CLOCK: variants seen among roughly 807,000 people sequenced by gnomAD.
CLOCK encodes circadian locomoter output cycles protein kaput.
In CLOCK, 43 loss-of-function variants were observed where a neutral mutation model predicts 118.4. That is an observed-to-expected ratio of 0.36 (90% CI 0.28 to 0.47). The LOEUF (loss-of-function observed/expected upper bound fraction) is 0.47. CLOCK is among the 20% of genes least tolerant of loss of function. The probability of loss-of-function intolerance (pLI) is 1.00; values close to 1 mark genes in which losing one functional copy is unlikely to be tolerated. For missense variants in CLOCK, 846 were observed against 999.9 expected, an observed-to-expected ratio of 0.85 and a Z score of 2.08; for synonymous variants, 326 against 339.2, an observed-to-expected ratio of 0.96 and a Z score of 0.43.
At chr4:55,529,122 A>C (rs1385943411) in intron 1 of CLOCK, among the ~76,000 whole-genome samples, 2 of 152,132 alleles carry the variant, frequency 1.3e-5, no homozygotes. Flanking sequence ...ACAAGAAGAA[A>C]CACCACCTAG....
At chr4:55,438,148 CT>C (rs1723039541) in intron 22 of CLOCK, 133 bp downstream of exon 22, 1 of 1,189,078 alleles carries the variant, frequency 8.4e-7, no homozygotes. Flanking sequence ...AGCTTTCTAT[CT>C]TTGTAGAGAT....
At chr4:55,463,549 T>TA in intron 9 of CLOCK, 136 bp downstream of exon 9, 1 of 631,652 alleles carries the variant, frequency 1.6e-6, no homozygotes, top group African/African-American at 1.9e-5. Context: ...ATATATATTT[T>TA]AATATTGAAA....
Position 55,483,023 on chromosome 4 carries a change from C to A in CLOCK, c.-43-195G>T, listed in dbSNP as rs11947623. On this transcript the variant is annotated intron_variant, in intron 3 of 22. Coordinates refer to ENST00000513440, the MANE Select transcript of CLOCK (RefSeq NM_004898.4). The stretch of plus-strand genomic sequence containing the variant: ...GCTTCTTTTCCCCTCCTAAAAAACA[C>A]CTACAAGAAAAAAAGTAATTCAGGC... Among the ~76,000 whole-genome samples, 88,916 of 152,006 alleles carry A rather than the reference C, an allele frequency of 0.58. 27,597 individuals carry two copies. The highest frequency in any genetic ancestry group is 0.81 in the South Asian group (3,914 of 4,826).
chr4:55,503,735 A>T (rs1310057425), intron 2 of CLOCK, among the ~76,000 whole-genome samples: 1 of 152,058 alleles, frequency 6.6e-6, no homozygotes, highest in African/African-American at 2.4e-5. Flanking sequence ...CTTTGTGGGT[A>T]CTAAAAGTCA....
In CLOCK at chr4:55,537,751, G is replaced by A. The variant is rs73155667; in HGVS notation, c.-290+9031C>T. ...CAAGGCTGCAATGGGCCATGATCAC[G>A]ATACTGTACTGCCTGAGCAGTAGTG... On this transcript the variant is annotated intron_variant, in intron 1 of 22. Transcript: ENST00000513440. Among the ~76,000 whole-genome samples, 512 of 152,250 alleles carry A rather than the reference G, an allele frequency of 3.4e-3. 3 individuals are homozygous for A. The highest frequency in any genetic ancestry group is 0.011 in the African/African-American group (471 of 41,564).
intron 1 of CLOCK, among the ~76,000 whole-genome samples, chr4:55,514,507 C>CT (rs986559003): frequency 3.3e-5 from 5 of 151,334 alleles, no homozygotes; most frequent in African/African-American, 1.2e-4. Flanking sequence ...TTATCCCCCC[C>CT]CCACTTTGCT....
At chr4:55,523,192 TG>T (rs1451269540) in intron 1 of CLOCK, among the ~76,000 whole-genome samples, 1 of 151,360 alleles carries the variant, frequency 6.6e-6, no homozygotes, top group Non-Finnish European at 1.5e-5. Context: ...CCCAGCTACT[TG>T]GGAGGCTGAG....
At chr4:55,464,944 C>A (rs1725632618) in intron 8 of CLOCK, among the ~76,000 whole-genome samples, 1 of 152,124 alleles carries the variant, frequency 6.6e-6, no homozygotes, top group Non-Finnish European at 1.5e-5. Context: ...GTGAGATGAC[C>A]TTCCCCCCTC....
At chr4:55,449,174 A>T (rs1197412612) in intron 17 of CLOCK, among the ~76,000 whole-genome samples, 1 of 149,468 alleles carries the variant, frequency 6.7e-6, no homozygotes, top group Non-Finnish European at 1.5e-5. Context: ...CCACAATTAA[A>T]AAAAAAAAAA....
intron 1 of CLOCK, among the ~76,000 whole-genome samples, chr4:55,527,067 A>C (rs976415064): frequency 3.3e-5 from 5 of 152,168 alleles, no homozygotes; most frequent in Non-Finnish European, 5.9e-5. Context: ...TAATAAGTAA[A>C]ATGACATCAA....
chr4:55,446,076 C>A (rs566716874), intron 18 of CLOCK, among the ~76,000 whole-genome samples: 11 of 150,418 alleles, frequency 7.3e-5, no homozygotes, highest in Admixed American at 6.0e-4. Context: ...TTGTGGCTAC[C>A]ACTTACTGGA....
intron 1 of CLOCK, among the ~76,000 whole-genome samples, chr4:55,537,540 C>T (rs964564563): frequency 2.6e-5 from 4 of 152,058 alleles, no homozygotes; most frequent in African/African-American, 9.7e-5. Flanking sequence ...ATCTCTTGAG[C>T]CTGAGACGTC....
At chr4:55,485,022 G>A (rs1019509300) in intron 3 of CLOCK, among the ~76,000 whole-genome samples, 1 of 151,994 alleles carries the variant, frequency 6.6e-6, no homozygotes, top group Non-Finnish European at 1.5e-5. Flanking sequence ...GGAGTGCAGT[G>A]GCACGATCTC....
At chr4:55,523,019 G>A (rs529596866) in intron 1 of CLOCK, among the ~76,000 whole-genome samples, 1 of 152,308 alleles carries the variant, frequency 6.6e-6, no homozygotes, top group East Asian at 1.9e-4. Flanking sequence ...GAACAGGCTG[G>A]GCGCAGTGGC....
intron 3 of CLOCK, 63 bp from the exon 4 acceptor site, chr4:55,482,891 T>C (rs1727028422): frequency 1.3e-6 from 1 of 748,602 alleles, no homozygotes; most frequent in Admixed American, 2.4e-5. Flanking sequence ...CACAAACTTA[T>C]CTTGAGAAAT....
rs1357363055 is a variant in CLOCK, at chr4:55,464,346, CTTG to C, written c.439-544_439-542del. ...AACTAATATGTTAAGCATTAGAATT[CTTG>C]TTAATACACAGCTTTAATCGTGATT... is the stretch of plus-strand genomic sequence containing the variant. On this transcript the variant is annotated intron_variant, in intron 8 of 22. Coordinates refer to ENST00000513440, the MANE Select transcript of CLOCK (RefSeq NM_004898.4). 2.6e-5 allele frequency among the ~76,000 whole-genome samples: 4 copies of C among 152,292 alleles called. No individual in the cohort carries two copies. In the South Asian group the frequency reaches 6.2e-4, roughly 24 times the overall value.
chr4:55,539,237 AAAC>A (rs140703422), intron 1 of CLOCK, among the ~76,000 whole-genome samples: 50,327 of 108,616 alleles, frequency 0.46, 9,064 homozygotes, highest in East Asian at 0.66. Context: ...TGTCTCAAAA[AAAC>A]AACAACAACA....
At chr4:55,496,168 G>A (rs1404802316) in intron 2 of CLOCK, among the ~76,000 whole-genome samples, 1 of 151,514 alleles carries the variant, frequency 6.6e-6, no homozygotes, top group Non-Finnish European at 1.5e-5. Flanking sequence ...CATCCTAGGT[G>A]ACAGAGCGAG....
At chr4:55,478,764 T>A (rs1726715050) in intron 6 of CLOCK, 51 bp downstream of exon 6, 2 of 1,573,382 alleles carry the variant, frequency 1.3e-6, no homozygotes, top group East Asian at 4.5e-5. Flanking sequence ...CTGCCAAGAT[T>A]CTAACTAATG....
Sources: gnomAD v4.1 joint callset for allele counts (sites outside exome capture counted in the v4.1 genomes callset) on GRCh38, gnomAD v4.1.1 for gene constraint, MANE v1.5 for transcripts, NCBI Gene and HGNC (gene_info 2026-07-23, HGNC 2026-07-21) for gene names.